NCOA3: variants seen among roughly 807,000 people sequenced by gnomAD.
The protein encoded by NCOA3 is CBP-interacting protein.
In NCOA3, 51 loss-of-function variants were observed where a neutral mutation model predicts 158.8. The observed-to-expected ratio is 0.32, with a 90% confidence interval of 0.26 to 0.41. The LOEUF is 0.41. Among genes scored for constraint, NCOA3 ranks in the 10% least tolerant of loss-of-function variants. The pLI, the probability that NCOA3 is intolerant of heterozygous loss-of-function variation, is 1.00. For synonymous variants in NCOA3, 537 were observed against 592.4 expected, an observed-to-expected ratio of 0.91 and a Z score of 1.36; for missense variants, 1,510 against 1,746.6, an observed-to-expected ratio of 0.86 and a Z score of 2.41.
At chr20:47,586,093 A>G (rs1424464775) in intron 2 of NCOA3, among the ~76,000 whole-genome samples, 1 of 151,870 alleles carries the variant, frequency 6.6e-6, no homozygotes, top group African/African-American at 2.4e-5. Context: ...CTAATTTTGT[A>G]TTTTTAGTAG....
chr20:47,625,550 A>G, intron 5 of NCOA3, 69 bp downstream of exon 5: 3 of 1,137,080 alleles, frequency 2.6e-6, no homozygotes, highest in Non-Finnish European at 3.9e-6. Flanking sequence ...GTTATAAAAA[A>G]TCGATGAAAT....
chr20:47,544,253 T>C (rs553777266), intron 1 of NCOA3, among the ~76,000 whole-genome samples: 13 of 151,744 alleles, frequency 8.6e-5, no homozygotes, highest in Admixed American at 5.9e-4. Context: ...TTTTTTTTTT[T>C]CAGTTAGGTG....
intron 1 of NCOA3, among the ~76,000 whole-genome samples, chr20:47,572,040 T>C (rs1447146750): frequency 6.6e-6 from 1 of 152,220 alleles, no homozygotes; most frequent in Non-Finnish European, 1.5e-5. Flanking sequence ...TTCATTTTTA[T>C]GTTATGTAGA....
At chr20:47,526,354 G>A (rs1218480592) in intron 1 of NCOA3, among the ~76,000 whole-genome samples, 3 of 152,074 alleles carry the variant, frequency 2.0e-5, no homozygotes, top group South Asian at 4.2e-4. Context: ...CTTCCCAGAC[G>A]GGGTGGCGGC....
At chr20:47,606,492 T>C (rs1321120225) in intron 2 of NCOA3, among the ~76,000 whole-genome samples, 3 of 151,890 alleles carry the variant, frequency 2.0e-5, no homozygotes, top group Non-Finnish European at 2.9e-5. Flanking sequence ...AAAAAAAAAA[T>C]CAGTTTTCCA....
intron 16 of NCOA3, among the ~76,000 whole-genome samples, chr20:47,641,809 G>A (rs911059248): frequency 1.8e-4 from 27 of 151,906 alleles, no homozygotes; most frequent in Admixed American, 1.8e-3. Flanking sequence ...CTCAACATTT[G>A]TATCCTTCCT....
chr20:47,577,842 C>T (rs958808310), intron 1 of NCOA3, among the ~76,000 whole-genome samples: 5 of 152,110 alleles, frequency 3.3e-5, no homozygotes, highest in South Asian at 2.1e-4. Flanking sequence ...AGGCTGATTC[C>T]GTATAGAACT....
At chr20:47,642,490 A>G in intron 17 of NCOA3, 106 bp downstream of exon 17, 2 of 696,162 alleles carry the variant, frequency 2.9e-6, no homozygotes, top group Non-Finnish European at 4.2e-6. Context: ...CTCTCCTAGT[A>G]CTTGTGTTAT....
At chr20:47,635,853 T>C (rs1208613390) in intron 11 of NCOA3, 38 bp from the exon 12 acceptor site, 1 of 1,552,908 alleles carries the variant, frequency 6.4e-7, no homozygotes, top group Admixed American at 2.0e-5. Flanking sequence ...CAGTGTCTGG[T>C]AGTCTAATTC....
intron 2 of NCOA3, among the ~76,000 whole-genome samples, chr20:47,592,569 A>G (rs1220196707): frequency 6.6e-6 from 1 of 152,228 alleles, no homozygotes; most frequent in African/African-American, 2.4e-5. Flanking sequence ...AAAAGGTAAC[A>G]GGTTTATCAA....
At chr20:47,509,363 C>T (rs929984509) in intron 1 of NCOA3, among the ~76,000 whole-genome samples, 1 of 152,160 alleles carries the variant, frequency 6.6e-6, no homozygotes, top group Non-Finnish European at 1.5e-5. Flanking sequence ...CATTGCACAC[C>T]AGCCTGAGTG....
intron 17 of NCOA3, among the ~76,000 whole-genome samples, chr20:47,644,915 C>A (rs1362882967): frequency 1.3e-5 from 2 of 151,732 alleles, no homozygotes; most frequent in African/African-American, 4.8e-5. Context: ...CCAGGCTGGT[C>A]TCGAACTCCT....
At chr20:47,533,806 T>C (rs1450415645) in intron 1 of NCOA3, among the ~76,000 whole-genome samples, 2 of 152,194 alleles carry the variant, frequency 1.3e-5, no homozygotes, top group East Asian at 1.9e-4. Flanking sequence ...GTGCCTGTGG[T>C]CCTAGCTTAC....
chr20:47,558,232 A>ATTTTTTTTTTTTT lies in NCOA3; in HGVS notation c.-98-24934_-98-24922dup, dbSNP rs71183263. On this transcript the variant is annotated intron_variant, in intron 1 of 22. Coordinates refer to ENST00000371998, the MANE Select transcript of NCOA3 (RefSeq NM_181659.3). ...CACCTCCACGCCCAGCTAATTTTGT[A>ATTTTTTTTTTTTT]TTTTTTTTTTTTTTTTTTTTTTTTT... 4.5e-4 allele frequency among the ~76,000 whole-genome samples: 25 copies of ATTTTTTTTTTTTT among 55,528 alleles called. 2 individuals are homozygous for ATTTTTTTTTTTTT. Among genetic ancestry groups the ATTTTTTTTTTTTT allele is most frequent in the African/African-American group, 1.4e-3 (22 of 15,484 alleles). 36.4% of individuals were successfully genotyped at this position (55,528 alleles called of 152,430 possible). A position where few individuals can be genotyped will look rare whatever the true frequency, so the allele number is the denominator to read the frequency against.
rs753734913 is a variant in NCOA3 at position 47,628,002 on chromosome 20, A to G, written c.802A>G (p.Ile268Val). 2 of 1,613,330 alleles carry G rather than the reference A, an allele frequency of 1.2e-6. No homozygotes were observed. Among genetic ancestry groups the G allele is most frequent in the Non-Finnish European group, 1.7e-6 (2 of 1,179,348 alleles). Residue 268 changes from isoleucine to valine, a missense_variant, in exon 8 of 23, where the codon ATT becomes GTT. Physicochemically the swap from Ile to Val is conservative, Grantham distance 29. Transcript: ENST00000371998. ...ATTTCCATCAAACCCTGAGAGCTTT[A>G]TTACCAGACATGATCTTTCAGGTAA... ...RTFPSNPESF[I>V]TRHDLSGKVV...
intron 2 of NCOA3, among the ~76,000 whole-genome samples, chr20:47,617,017 C>T (rs571760789): frequency 1.3e-5 from 2 of 151,986 alleles, no homozygotes; most frequent in African/African-American, 2.4e-5. Context: ...TGCAGTGGCG[C>T]GGTCTTGGCT....
intron 1 of NCOA3, among the ~76,000 whole-genome samples, chr20:47,562,207 A>G (rs972004520): frequency 2.0e-5 from 3 of 152,242 alleles, no homozygotes; most frequent in African/African-American, 7.2e-5. Flanking sequence ...TAAAGCTGCC[A>G]TAAGCACCTG....
chr20:47,648,119 C>T (rs1276524632), intron 18 of NCOA3, among the ~76,000 whole-genome samples: 6 of 151,868 alleles, frequency 4.0e-5, no homozygotes, highest in Admixed American at 3.9e-4. Context: ...TGGCCAGGCC[C>T]GTCTTGAACT....
At chr20:47,627,211 A>G in intron 6 of NCOA3, 35 bp downstream of exon 6, 1 of 1,496,652 alleles carries the variant, frequency 6.7e-7, no homozygotes, top group Non-Finnish European at 9.0e-7. Flanking sequence ...AAATAGGTTA[A>G]ATTTTTTTCC....
Sources: gnomAD v4.1 joint callset for allele counts (sites outside exome capture counted in the v4.1 genomes callset) on GRCh38, gnomAD v4.1.1 for gene constraint, MANE v1.5 for transcripts, NCBI Gene and HGNC (gene_info 2026-07-23, HGNC 2026-07-21) for gene names.